FLT3: variants seen among roughly 807,000 people sequenced by gnomAD.
The protein encoded by FLT3 is receptor-type tyrosine-protein kinase FLT3.
Under a neutral mutation model 126.6 loss-of-function variants are expected in FLT3, and 46 were observed. The observed-to-expected ratio is 0.36, with a 90% CI of 0.29 to 0.46. The LOEUF (loss-of-function observed/expected upper bound fraction) is 0.46. FLT3 is among the 20% of genes least tolerant of loss of function. FLT3 has a pLI of 1.00. For synonymous variants in FLT3, 404 were observed against 434.4 expected, an observed-to-expected ratio of 0.93 and a Z score of 0.87; for missense variants, 1,069 against 1,190.3, an observed-to-expected ratio of 0.90 and a Z score of 1.50.
intron 23 of FLT3, among the ~76,000 whole-genome samples, chr13:28,008,275 C>CAAAAAAAAA (rs11409962): frequency 1.1e-5 from 1 of 87,102 alleles, no homozygotes; most frequent in African/African-American, 4.7e-5. Context: ...GAACCTGTCT[C>CAAAAAAAAA]AAAAAAAAAA....
chr13:28,062,743 C>CAAAAAAAAAAAAAAAAAAA (rs59718306), intron 2 of FLT3, among the ~76,000 whole-genome samples: 4 of 89,996 alleles, frequency 4.4e-5, no homozygotes, highest in Non-Finnish European at 6.1e-5. Context: ...AACTCTGTCT[C>CAAAAAAAAAAAAAAAAAAA]AAAAAAAAAA....
intron 15 of FLT3, among the ~76,000 whole-genome samples, chr13:28,031,537 G>A (rs932899097): frequency 3.3e-5 from 5 of 152,192 alleles, no homozygotes; most frequent in South Asian, 2.1e-4. Flanking sequence ...AAAATGTCAT[G>A]ACAAAGGTGA....
At chr13:28,067,959 C>G in intron 2 of FLT3, 1 of 332,552 alleles carries the variant, frequency 3.0e-6, no homozygotes. Flanking sequence ...CACATTTGGT[C>G]AACTCCAGTA....
intron 1 of FLT3, among the ~76,000 whole-genome samples, chr13:28,097,406 C>A (rs552736384): frequency 5.3e-5 from 8 of 152,164 alleles, no homozygotes; most frequent in Non-Finnish European, 1.0e-4. Flanking sequence ...TTTAATATCT[C>A]ATTGCCTGAT....
Position 28,048,327 on chromosome 13 carries a change from A to C in FLT3, c.1153T>G (p.Phe385Val). ...TCACAAGGAAATGATTTTCGAGAGA[A>C]GGTCCACGTACATCTGATTTGTGGG... ...AYPQIRCTWTFSRKSFPCEQK... is the reference protein window; with the variant it reads ...AYPQIRCTWTVSRKSFPCEQK... The change falls in exon 9 of 24, where the codon TTC becomes GTC. Residue 385 changes from phenylalanine (F) to valine (V), a missense_variant. By Grantham distance (50) the Phe-to-Val change is conservative. Coordinates refer to ENST00000241453, the MANE Select transcript of FLT3 (RefSeq NM_004119.3). The C allele has an allele frequency of 1.2e-6, 2 of 1,614,024 alleles. No homozygotes were observed. Among genetic ancestry groups the C allele is most frequent in the African/African-American group, 1.3e-5 (1 of 75,050 alleles).
At chr13:28,013,331 G>C (rs938647103) in intron 23 of FLT3, among the ~76,000 whole-genome samples, 1 of 152,188 alleles carries the variant, frequency 6.6e-6, no homozygotes, top group African/African-American at 2.4e-5. Context: ...CAAGTGCCCA[G>C]TACGTGCTAA....
At position 28,007,716 on chromosome 13, in the gene FLT3, G is replaced by C. The variant is rs74041528; in HGVS notation, c.2860-3542C>G. Among the ~76,000 whole-genome samples the C allele has an allele frequency of 8.0e-3, 1,223 of 152,168 alleles. 16 individuals are homozygous for C. Among genetic ancestry groups the C allele is most frequent in the African/African-American group, 0.028 (1,159 of 41,500 alleles). On this transcript the variant is annotated intron_variant, in intron 23 of 23. Transcript: ENST00000241453. ...CTTAGGCAAATTACTTAACCTCTCT[G>C]TGCCTCAATTTACTAGTCTGCTAAA...
chr13:28,007,933 AT>A (rs1053115336), intron 23 of FLT3, among the ~76,000 whole-genome samples: 4 of 152,198 alleles, frequency 2.6e-5, no homozygotes, highest in African/African-American at 9.6e-5. Context: ...CCTCTGTGTC[AT>A]TAAATCTGGC....
chr13:28,087,755 T>A (rs1023395928), intron 1 of FLT3, among the ~76,000 whole-genome samples: 1 of 152,178 alleles, frequency 6.6e-6, no homozygotes, highest in African/African-American at 2.4e-5. Flanking sequence ...TTTCTGTTGC[T>A]ATGCCGCCAA....
At chr13:28,068,710 C>T (rs781432307) in intron 2 of FLT3, among the ~76,000 whole-genome samples, 10 of 152,040 alleles carry the variant, frequency 6.6e-5, no homozygotes, top group South Asian at 2.1e-4. Flanking sequence ...GGACCACAGG[C>T]GCACACCACC....
At chr13:28,047,879 C>A (rs1875042893) in intron 9 of FLT3, among the ~76,000 whole-genome samples, 2 of 152,206 alleles carry the variant, frequency 1.3e-5, no homozygotes, top group African/African-American at 2.4e-5. Flanking sequence ...AATCAATACA[C>A]CTATGAGTAA....
chr13:28,020,767 T>C (rs1872314257), intron 19 of FLT3, among the ~76,000 whole-genome samples: 1 of 152,030 alleles, frequency 6.6e-6, no homozygotes, highest in Admixed American at 6.6e-5. Flanking sequence ...GTACAGTGCT[T>C]GGCATGTAGC....
At chr13:28,045,314 C>T (rs906289077) in intron 9 of FLT3, among the ~76,000 whole-genome samples, 1 of 152,194 alleles carries the variant, frequency 6.6e-6, no homozygotes, top group East Asian at 1.9e-4. Flanking sequence ...TTCACTCTTG[C>T]AGCCCATCAC....
intron 1 of FLT3, among the ~76,000 whole-genome samples, chr13:28,098,314 C>CAAAAAAAAAAAAAAAAAAA (rs55675449): frequency 2.2e-4 from 19 of 85,288 alleles, no homozygotes; most frequent in African/African-American, 7.4e-4. Context: ...GACTCCGTCT[C>CAAAAAAAAAAAAAAAAAAA]AAAAAAAAAA....
At chr13:28,049,301 T>A in intron 8 of FLT3, 83 bp downstream of exon 8, 1 of 1,243,916 alleles carries the variant, frequency 8.0e-7, no homozygotes, top group Non-Finnish European at 1.1e-6. Context: ...TATATTGAAA[T>A]CAGAATTTGT....
At chr13:28,069,615 G>A (rs777813394) in intron 2 of FLT3, among the ~76,000 whole-genome samples, 15 of 152,048 alleles carry the variant, frequency 9.9e-5, no homozygotes, top group African/African-American at 1.4e-4. Flanking sequence ...CATGGGTTCC[G>A]CATCCATGGA....
In FLT3 at chr13:28,027,317, A is replaced by G. The variant is rs1349460395; in HGVS notation, c.2054-76T>C. On this transcript the variant is annotated intron_variant, in intron 16 of 23. Coordinates refer to ENST00000241453, the MANE Select transcript of FLT3 (RefSeq NM_004119.3). ...TTCAGAAGTCTATGTAGCAGACAACATACTCTTAGGAGGGCTTGGTTCTCT... is the reference window on the plus strand; with the variant it reads ...TTCAGAAGTCTATGTAGCAGACAACGTACTCTTAGGAGGGCTTGGTTCTCT... 24 of 1,233,076 alleles carry G rather than the reference A, an allele frequency of 1.9e-5. No homozygotes were observed. The East Asian group carries it at 5.8e-4, about 30-fold the overall frequency. The allele number at this position is 1,233,076 out of a possible 1,614,324, so 76.4% of individuals were successfully genotyped here. A position where few individuals can be genotyped will look rare whatever the true frequency, so the allele number is the denominator to read the frequency against.
chr13:28,065,891 C>T (rs751163972), intron 2 of FLT3, among the ~76,000 whole-genome samples: 2 of 151,848 alleles, frequency 1.3e-5, no homozygotes, highest in Non-Finnish European at 2.9e-5. Flanking sequence ...AATCCCAGCA[C>T]TTTGGGAGGC....
chr13:28,061,984 T>C lies in FLT3; in HGVS notation c.251A>G (p.Asp84Gly), dbSNP rs778119340. The change falls in exon 3 of 24, where the codon GAT (aspartate) becomes GGT (glycine). Residue 84 changes from aspartate (D) to glycine (G), a missense_variant. Coordinates refer to ENST00000241453, the MANE Select transcript of FLT3 (RefSeq NM_004119.3). ...TTGCAGTGTGATGGAAGCAGATACA[T>C]CCACTTCCACAGCGGCAGCTTCGTA... is the stretch of plus-strand genomic sequence containing the variant. ...TVYEAAAVEV[D>G]VSASITLQVL... The C allele has an allele frequency of 3.1e-6, 5 of 1,613,542 alleles. No individual in the cohort carries two copies. The highest frequency in any genetic ancestry group is 2.2e-5 in the East Asian group (1 of 44,890).
Sources: allele counts gnomAD v4.1 joint callset (sites outside exome capture counted in the v4.1 genomes callset), GRCh38; gene constraint gnomAD v4.1.1; transcripts MANE v1.5; gene names NCBI Gene and HGNC (gene_info 2026-07-23, HGNC 2026-07-21).